TACR3: variants seen among roughly 807,000 people sequenced by gnomAD.
The protein encoded by TACR3 is neuromedin-K receptor.
A neutral mutation model predicts 35.0 loss-of-function variants in TACR3; 34 were observed. That is an observed-to-expected ratio of 0.97 (90% CI 0.74 to 1.30). TACR3 has a LOEUF of 1.30. TACR3 is among the 50% of genes most tolerant of loss of function. The pLI is 0.00. For missense variants in TACR3, 558 were observed against 591.7 expected (o/e 0.94, Z 0.59); for synonymous variants, 233 against 221.1 (o/e 1.05, Z -0.48).
chr4:103,675,294 T>C (rs1430663343), intron 1 of TACR3, among the ~76,000 whole-genome samples: 1 of 152,188 alleles, frequency 6.6e-6, no homozygotes, highest in Non-Finnish European at 1.5e-5. Context: ...AAAAATATTT[T>C]CCTACGTCTT....
chr4:103,697,341 C>T lies in TACR3; in HGVS notation c.548+21787G>A, dbSNP rs6824952. On this transcript the variant is annotated intron_variant, in intron 1 of 4. Transcript: ENST00000304883. ...ACAGTTAATGTGTGAGTTAATATGA[C>T]GTGGTAACTGAAATGTGAGCCATGT... 3.0e-3 allele frequency among the ~76,000 whole-genome samples: 458 copies of T among 152,194 alleles called. 2 individuals carry two copies. Among genetic ancestry groups the T allele is most frequent in the African/African-American group, 0.011 (438 of 41,544 alleles).
intron 1 of TACR3, among the ~76,000 whole-genome samples, chr4:103,711,427 T>C (rs1454251636): frequency 6.6e-6 from 1 of 152,168 alleles, no homozygotes; most frequent in African/African-American, 2.4e-5. Flanking sequence ...GAAAAGGTCT[T>C]TGACGAAATT....
intron 1 of TACR3, among the ~76,000 whole-genome samples, chr4:103,691,700 G>A (rs144166465): frequency 4.6e-5 from 7 of 152,236 alleles, no homozygotes; most frequent in East Asian, 1.9e-4. Context: ...GTGGGTTTAC[G>A]GGAATGAGGG....
intron 3 of TACR3, among the ~76,000 whole-genome samples, chr4:103,635,211 C>G (rs1725160223): frequency 6.6e-6 from 1 of 151,834 alleles, no homozygotes; most frequent in Admixed American, 6.6e-5. Flanking sequence ...AATGATTTAT[C>G]TCCCACTAAA....
At chr4:103,704,238 T>A (rs1038479357) in intron 1 of TACR3, among the ~76,000 whole-genome samples, 3 of 151,946 alleles carry the variant, frequency 2.0e-5, no homozygotes, top group Admixed American at 6.6e-5. Flanking sequence ...AATGTCATGC[T>A]GAGGGCAAAG....
chr4:103,653,484 T>C (rs1261187085), intron 3 of TACR3, among the ~76,000 whole-genome samples: 1 of 151,896 alleles, frequency 6.6e-6, no homozygotes, highest in East Asian at 1.9e-4. Context: ...GCGTACACAG[T>C]GAAATGTTTA....
rs572455729 is a variant in TACR3, at chr4:103,654,000, C to T, written c.888+2194G>A. On this transcript the variant is annotated intron_variant, in intron 3 of 4. Coordinates refer to ENST00000304883, the MANE Select transcript of TACR3 (RefSeq NM_001059.3). ...TGCAAATCAAAACCACAATGAGATA[C>T]CATCTCACACCAGTTAGAATGGCGA... Among the ~76,000 whole-genome samples the T allele has an allele frequency of 6.2e-3, 911 of 146,796 alleles. 5 individuals carry two copies. The highest frequency in any genetic ancestry group is 0.023 in the African/African-American group (869 of 37,512).
chr4:103,642,441 C>T (rs975731355), intron 3 of TACR3, among the ~76,000 whole-genome samples: 2 of 151,492 alleles, frequency 1.3e-5, no homozygotes, highest in Admixed American at 6.6e-5. Context: ...CTGAAGAAAA[C>T]GTGGTATATC....
chr4:103,700,429 G>C (rs996577443), intron 1 of TACR3, among the ~76,000 whole-genome samples: 1 of 152,110 alleles, frequency 6.6e-6, no homozygotes, highest in Non-Finnish European at 1.5e-5. Flanking sequence ...ACATCTTATA[G>C]ATGATAATAC....
intron 1 of TACR3, among the ~76,000 whole-genome samples, chr4:103,707,329 A>G (rs1328886026): frequency 6.6e-6 from 1 of 152,204 alleles, no homozygotes; most frequent in Non-Finnish European, 1.5e-5. Flanking sequence ...CTTTTATAAG[A>G]AATTAAGACT....
intron 3 of TACR3, among the ~76,000 whole-genome samples, chr4:103,620,448 C>T (rs769671639): frequency 3.9e-5 from 6 of 152,178 alleles, no homozygotes; most frequent in Admixed American, 6.5e-5. Context: ...AAGACACATA[C>T]GTTCATCACT....
intron 1 of TACR3, among the ~76,000 whole-genome samples, chr4:103,677,873 C>T (rs1267854076): frequency 6.6e-6 from 1 of 150,382 alleles, no homozygotes; most frequent in East Asian, 2.0e-4. Context: ...AAAATAAAAG[C>T]TGGAAATAAG....
At chr4:103,601,836 A>C (rs944202670) in intron 3 of TACR3, among the ~76,000 whole-genome samples, 10 of 151,954 alleles carry the variant, frequency 6.6e-5, no homozygotes, top group African/African-American at 2.4e-4. Flanking sequence ...CTTCATTTCC[A>C]CTTTGGTGAA....
chr4:103,627,354 A>AAAATAC (rs1281041075), intron 3 of TACR3, among the ~76,000 whole-genome samples: 8,715 of 96,280 alleles, frequency 0.091, 307 homozygotes, highest in Middle Eastern at 0.14. Context: ...GTTTCCATTA[A>AAAATAC]AAAAAAAAAA....
At chr4:103,609,337 AAT>A (rs1316789584) in intron 3 of TACR3, among the ~76,000 whole-genome samples, 1 of 152,146 alleles carries the variant, frequency 6.6e-6, no homozygotes, top group Non-Finnish European at 1.5e-5. Context: ...TATAATTCAA[AAT>A]ATATGTTATA....
Position 103,715,558 on chromosome 4 carries a change from T to C in TACR3, c.548+3570A>G, listed in dbSNP as rs233965. Among the ~76,000 whole-genome samples the C allele has an allele frequency of 7.4e-3, 1,132 of 152,274 alleles. 13 individuals are homozygous for C. Among genetic ancestry groups the C allele is most frequent in the Non-Finnish European group, 8.7e-3 (592 of 68,010 alleles). On this transcript the variant is annotated intron_variant, in intron 1 of 4. Transcript: ENST00000304883. Reference sequence around the variant, plus strand: ...AGTCTCAGGTATATCTTTATAGCAATGTGAGAACAGACTAACACACTCCCT... The same window carrying C: ...AGTCTCAGGTATATCTTTATAGCAACGTGAGAACAGACTAACACACTCCCT...
intron 3 of TACR3, among the ~76,000 whole-genome samples, chr4:103,615,164 G>T (rs193283938): frequency 1.5e-4 from 23 of 152,036 alleles, no homozygotes; most frequent in African/African-American, 5.5e-4. Context: ...CCAAAGTGCT[G>T]GGATTACAGG....
chr4:103,627,596 A>C (rs992232018), intron 3 of TACR3, among the ~76,000 whole-genome samples: 1 of 152,124 alleles, frequency 6.6e-6, no homozygotes, highest in Admixed American at 6.5e-5. Context: ...AGAGCTAACT[A>C]TCCTAAATAT....
At position 103,656,444 on chromosome 4, in the gene TACR3, G is replaced by A. The variant is rs1370872027; in HGVS notation, c.738-100C>T. The stretch of plus-strand genomic sequence containing the variant: ...TAAATCATAATTAAAACTACCAAGA[G>A]TTATTTCTACATTATCTCTATACAT... On this transcript the variant is annotated intron_variant, in intron 2 of 4. Coordinates refer to ENST00000304883, the MANE Select transcript of TACR3 (RefSeq NM_001059.3). The A allele has an allele frequency of 7.0e-6, 8 of 1,138,104 alleles. No individual in the cohort carries two copies. The African/African-American group carries it at 7.6e-5, about 11-fold the overall frequency. The allele number at this position is 1,138,104 out of a possible 1,614,324, so 70.5% of individuals were successfully genotyped here. A position where few individuals can be genotyped will look rare whatever the true frequency, so the allele number is the denominator to read the frequency against.
Sources: gnomAD v4.1 joint callset for allele counts (sites outside exome capture counted in the v4.1 genomes callset) on GRCh38, gnomAD v4.1.1 for gene constraint, MANE v1.5 for transcripts, NCBI Gene and HGNC (gene_info 2026-07-23, HGNC 2026-07-21) for gene names.